SLC11A2: variants seen among roughly 807,000 people sequenced by gnomAD.
The protein encoded by SLC11A2 is natural resistance-associated macrophage protein 2.
Under a neutral mutation model 68.0 loss-of-function variants are expected in SLC11A2, and 38 were observed. That is an observed-to-expected ratio of 0.56 (90% confidence interval 0.43 to 0.73). SLC11A2 has a LOEUF of 0.73. SLC11A2 is among the 30% of genes least tolerant of loss of function. The pLI, the probability that SLC11A2 is intolerant of heterozygous loss-of-function variation, is 0.00. For synonymous variants in SLC11A2, 242 were observed against 250.6 expected, an observed-to-expected ratio of 0.97 and a Z score of 0.32; for missense variants, 517 against 690.5, an observed-to-expected ratio of 0.75 and a Z score of 2.82.
chr12:50,963,136 G>A, the SLC11A2 span, among the ~76,000 whole-genome samples: 3 of 151,870 alleles, frequency 2.0e-5, no homozygotes, highest in East Asian at 3.9e-4. Flanking sequence ...TTGGGAGGCC[G>A]AGGCAGGGGT....
At chr12:50,990,695 C>A (rs1941061239) in intron 15 of SLC11A2, 100 bp downstream of exon 15, 2 of 1,236,168 alleles carry the variant, frequency 1.6e-6, no homozygotes, top group Admixed American at 1.8e-5. Flanking sequence ...TAGGCATGAG[C>A]CACTGTGCCC....
chr12:51,026,498 C>G (rs1035289408), upstream of SLC11A2: 6 of 537,214 alleles, frequency 1.1e-5, no homozygotes, highest in African/African-American at 2.1e-5. Context: ...GGGACCTAGG[C>G]TCCGCCCACG....
Position 50,999,419 on chromosome 12 carries a change from G to A in SLC11A2, c.537-4C>T. The A allele has an allele frequency of 6.2e-7, 1 of 1,608,476 alleles. No homozygotes were observed. The highest frequency in any genetic ancestry group is 8.5e-7 in the Non-Finnish European group (1 of 1,174,872). On this transcript the variant is annotated splice_region_variant and splice_polypyrimidine_tract_variant and intron_variant, in intron 6 of 15. Coordinates refer to ENST00000262052, the MANE Select transcript of SLC11A2 (RefSeq NM_000617.3). The stretch of plus-strand genomic sequence containing the variant: ...AACGCCACCCCACAGAGGAATTCTA[G>A]GTCAGAGATGAGATATGGAAGTCAG...
intron 1 of SLC11A2, among the ~76,000 whole-genome samples, chr12:51,023,812 T>C (rs1284814121): frequency 6.6e-6 from 1 of 152,134 alleles, no homozygotes; most frequent in Non-Finnish European, 1.5e-5. Context: ...GGCAACCTAG[T>C]AAGACTCCAT....
the SLC11A2 span, among the ~76,000 whole-genome samples, chr12:50,964,113 T>C: frequency 6.6e-6 from 1 of 151,962 alleles, no homozygotes; most frequent in African/African-American, 2.4e-5. Flanking sequence ...ACACTTCTTA[T>C]GTTAGATGAT....
At chr12:51,010,215 A>ACAAAC (rs11424903) in intron 2 of SLC11A2, among the ~76,000 whole-genome samples, 3 of 150,448 alleles carry the variant, frequency 2.0e-5, no homozygotes, top group African/African-American at 2.5e-5. Flanking sequence ...AAACAAACAA[A>ACAAAC]AAAAAAACAT....
Position 50,994,608 on chromosome 12 carries a change from C to G in SLC11A2, c.1013G>C (p.Ser338Thr). 1.2e-6 allele frequency: 2 copies of G among 1,612,444 alleles called. No individual in the cohort carries two copies. The highest frequency in any genetic ancestry group is 1.7e-6 in the Non-Finnish European group (2 of 1,178,450). ...EQVVEVCTNTSSPHAGLFPKD... is the reference protein window; with the variant it reads ...EQVVEVCTNTTSPHAGLFPKD... ...AGGAAAGAGGCCAGCATGAGGACTG[C>G]TGGTATTTGTACAGACTTCAACCTA... Residue 338 changes from serine to threonine, a missense_variant, in exon 11 of 16, where the codon AGC becomes ACC. By Grantham distance (58) the Ser-to-Thr change is moderately conservative. Transcript: ENST00000262052.
At chr12:51,005,174 A>T in intron 4 of SLC11A2, 137 bp downstream of exon 4, 1 of 999,712 alleles carries the variant, frequency 1.0e-6, no homozygotes, top group South Asian at 1.3e-5. Context: ...AATGGAAAGT[A>T]CTTTACACAT....
chr12:50,977,808 A>C (rs1939868890), downstream of SLC11A2, among the ~76,000 whole-genome samples: 1 of 152,184 alleles, frequency 6.6e-6, no homozygotes, highest in African/African-American at 2.4e-5. Flanking sequence ...AAGAAAAAAA[A>C]CAACCCCATC....
rs185973429 is a variant in SLC11A2, at chr12:50,991,549, C to T, written c.1421+50G>A. 4.1e-6 allele frequency: 6 copies of T among 1,447,928 alleles called. No homozygotes were observed. The African/African-American group carries it at 8.4e-5, about 20-fold the overall frequency. The allele number at this position is 1,447,928 out of a possible 1,614,324, so 89.7% of individuals were successfully genotyped here. On this transcript the variant is annotated intron_variant, in intron 14 of 15. Coordinates refer to ENST00000262052, the MANE Select transcript of SLC11A2 (RefSeq NM_000617.3). ...TGACTGGCCTACTGCATGAAGATAC[C>T]CTTTCCCCATATCAGCATCCCCTTT...
the SLC11A2 span, among the ~76,000 whole-genome samples, chr12:50,953,697 G>A: frequency 6.6e-6 from 1 of 152,194 alleles, no homozygotes; most frequent in Non-Finnish European, 1.5e-5. Context: ...GATCTCAAAT[G>A]CTGAGCAGTG....
upstream of SLC11A2, among the ~76,000 whole-genome samples, chr12:51,027,264 GGGAGGT>G (rs1441894693): frequency 3.9e-5 from 6 of 152,028 alleles, no homozygotes; most frequent in Admixed American, 6.6e-5. Context: ...ACTTGGGCCT[GGGAGGT>G]GGAGGCTGCG....
At chr12:50,953,830 T>G in the SLC11A2 span, 18 of 535,462 alleles carry the variant, frequency 3.4e-5, no homozygotes, top group Non-Finnish European at 6.0e-5. Flanking sequence ...AAAAATTCGG[T>G]AGTGAAAAGT....
At chr12:50,971,159 C>T in the SLC11A2 span, among the ~76,000 whole-genome samples, 4 of 152,058 alleles carry the variant, frequency 2.6e-5, no homozygotes, top group South Asian at 2.1e-4. Context: ...GGATTACAGG[C>T]GTGAGCCACG....
At chr12:50,981,048 A>G (rs573347250), downstream of SLC11A2, 13 of 152,336 alleles carry the variant, frequency 8.5e-5, no homozygotes, top group African/African-American at 3.1e-4. Context: ...ACAATTCAAG[A>G]AAAGTGACGA....
chr12:50,974,404 A>T (rs1401351277), downstream of SLC11A2, among the ~76,000 whole-genome samples: 2 of 152,202 alleles, frequency 1.3e-5, no homozygotes, highest in African/African-American at 4.8e-5. Flanking sequence ...TCATAAGTGA[A>T]GGAGAAATAA....
chr12:50,962,065 T>C, the SLC11A2 span, among the ~76,000 whole-genome samples: 3 of 152,058 alleles, frequency 2.0e-5, no homozygotes, highest in African/African-American at 7.2e-5. Flanking sequence ...AAGAAGACAA[T>C]ATAAAGTTAT....
chr12:51,012,319 T>C (rs1165037678), intron 1 of SLC11A2, among the ~76,000 whole-genome samples: 1 of 151,132 alleles, frequency 6.6e-6, no homozygotes, highest in Non-Finnish European at 1.5e-5. Context: ...CTATGGCATA[T>C]TCTCCATTGA....
chr12:51,003,453 T>C (rs532136489), intron 5 of SLC11A2, among the ~76,000 whole-genome samples: 1 of 151,404 alleles, frequency 6.6e-6, no homozygotes, highest in Admixed American at 6.6e-5. Flanking sequence ...GGAGAATCCC[T>C]GGAATCGCCT....
Sources: gnomAD v4.1 joint callset for allele counts (sites outside exome capture counted in the v4.1 genomes callset) on GRCh38, gnomAD v4.1.1 for gene constraint, MANE v1.5 for transcripts, NCBI Gene and HGNC (gene_info 2026-07-23, HGNC 2026-07-21) for gene names.